MAGI1: variants seen among roughly 807,000 people sequenced by gnomAD.
The protein encoded by MAGI1 is membrane-associated guanylate kinase, WW and PDZ domain-containing protein 1.
Under a neutral mutation model 139.9 loss-of-function variants are expected in MAGI1, and 58 were observed. That is an observed-to-expected ratio of 0.41 (90% CI 0.34 to 0.52). The LOEUF (loss-of-function observed/expected upper bound fraction) is 0.52, where lower values mean the gene tolerates loss of function less well. Among genes scored for constraint, MAGI1 ranks in the 20% least tolerant of loss-of-function variants. The probability of loss-of-function intolerance (pLI) is 0.12; values close to 1 mark genes in which losing one functional copy is unlikely to be tolerated. For missense variants in MAGI1, 1,874 were observed against 1,901.6 expected (o/e 0.99, Z 0.27); for synonymous variants, 812 against 737.9 (o/e 1.10, Z -1.63).
At chr3:65,651,249 AG>A (rs1306447679) in intron 1 of MAGI1, among the ~76,000 whole-genome samples, 6 of 152,222 alleles carry the variant, frequency 3.9e-5, no homozygotes, top group African/African-American at 1.4e-4. Context: ...CAGGTGTACA[AG>A]GAACCTGCCT....
chr3:65,812,460 T>A (rs536141527), intron 1 of MAGI1, among the ~76,000 whole-genome samples: 5,349 of 98,742 alleles, frequency 0.054, 111 homozygotes, highest in African/African-American at 0.074. Flanking sequence ...TCTCTCTCTC[T>A]CTCTCTCTCA....
chr3:66,022,996 A>G (rs1295657658), intron 1 of MAGI1, among the ~76,000 whole-genome samples: 1 of 152,156 alleles, frequency 6.6e-6, no homozygotes, highest in African/African-American at 2.4e-5. Flanking sequence ...TTTGTGCCAC[A>G]TTATCCTTGA....
chr3:65,886,591 G>A lies in MAGI1; in HGVS notation c.313+151405C>T, dbSNP rs367592175. On this transcript the variant is annotated intron_variant, in intron 1 of 22. Transcript: ENST00000402939. ...AAGCACAGTGTGTCATTTCCAAGCC[G>A]TGTCTGTGAAGAGAAGAGACCTGCT... 9.9e-5 allele frequency among the ~76,000 whole-genome samples: 15 copies of A among 152,232 alleles called. 1 individual carries two copies. The South Asian group carries it at 1.5e-3, about 15-fold the overall frequency.
At chr3:65,894,501 G>T (rs2060891751) in intron 1 of MAGI1, among the ~76,000 whole-genome samples, 1 of 152,216 alleles carries the variant, frequency 6.6e-6, no homozygotes, top group Admixed American at 6.5e-5. Context: ...AATTTGGAAA[G>T]GCAGCAAATG....
chr3:65,936,901 A>AGTT (rs149793328), intron 1 of MAGI1, among the ~76,000 whole-genome samples: 4 of 128,886 alleles, frequency 3.1e-5, no homozygotes, highest in Non-Finnish European at 6.6e-5. Flanking sequence ...TCAGGTTCAA[A>AGTT]GTTGTTGTTG....
At chr3:65,774,766 C>T (rs980156027) in intron 1 of MAGI1, among the ~76,000 whole-genome samples, 3 of 152,072 alleles carry the variant, frequency 2.0e-5, no homozygotes, top group African/African-American at 7.2e-5. Flanking sequence ...GAAATTCAAC[C>T]AAAGAGCCAA....
intron 1 of MAGI1, among the ~76,000 whole-genome samples, chr3:65,846,987 A>AAAAACAAAC (rs1001156883): frequency 5.3e-5 from 8 of 151,704 alleles, no homozygotes; most frequent in East Asian, 1.9e-4. Flanking sequence ...AAAAAAAAAA[A>AAAAACAAAC]AAAAAAAAAC....
chr3:65,564,708 C>T (rs940550125), intron 2 of MAGI1, among the ~76,000 whole-genome samples: 13 of 152,310 alleles, frequency 8.5e-5, no homozygotes, highest in African/African-American at 2.2e-4. Context: ...GTGTGCATTC[C>T]GATGTCCTAA....
intron 2 of MAGI1, among the ~76,000 whole-genome samples, chr3:65,585,244 T>C (rs1025305921): frequency 4.6e-5 from 7 of 152,186 alleles, no homozygotes; most frequent in Admixed American, 2.6e-4. Flanking sequence ...TAAGATATCA[T>C]CTTGGTATTA....
At chr3:65,879,992 GGCTCACGCCTGTA>G (rs2060261199) in intron 1 of MAGI1, among the ~76,000 whole-genome samples, 4 of 152,232 alleles carry the variant, frequency 2.6e-5, no homozygotes, top group African/African-American at 9.6e-5. Flanking sequence ...TGGGCTCAGT[GGCTCACGCCTGTA>G]ATCCCAGCAC....
intron 1 of MAGI1, among the ~76,000 whole-genome samples, chr3:65,971,672 G>C (rs1003959206): frequency 3.3e-5 from 5 of 152,126 alleles, no homozygotes; most frequent in African/African-American, 1.2e-4. Context: ...ACAAAGACTC[G>C]TGAAGCAGAC....
intron 1 of MAGI1, among the ~76,000 whole-genome samples, chr3:65,953,936 A>C: frequency 6.6e-6 from 1 of 152,198 alleles, no homozygotes; most frequent in East Asian, 1.9e-4. Flanking sequence ...CTACCTTTTA[A>C]AAGGTTTCTT....
chr3:65,482,017 CT>C (rs770287863), intron 3 of MAGI1, among the ~76,000 whole-genome samples: 16 of 152,192 alleles, frequency 1.1e-4, no homozygotes, highest in Non-Finnish European at 2.2e-4. Flanking sequence ...TATGAAATTG[CT>C]GTTGTAGAAG....
chr3:65,619,776 T>C (rs1348711552), intron 2 of MAGI1: 4 of 821,258 alleles, frequency 4.9e-6, no homozygotes, highest in Non-Finnish European at 5.9e-6. Flanking sequence ...GCACACACGC[T>C]CCACCAGACT....
At chr3:65,943,049 C>T (rs2063386770) in intron 1 of MAGI1, among the ~76,000 whole-genome samples, 1 of 152,048 alleles carries the variant, frequency 6.6e-6, no homozygotes, top group South Asian at 2.1e-4. Flanking sequence ...AAAATGTTCA[C>T]AATACTGTTT....
In MAGI1 at chr3:65,356,383, T is replaced by C; in HGVS notation, c.4384A>G (p.Ile1462Val). Residue 1462 changes from isoleucine (I) to valine (V), a missense_variant, in exon 23 of 23, where the codon ATC becomes GTC. This residue lies in a region of MAGI1 where 653 missense variants were observed against 644.5 expected (regional missense o/e 1.01). Coordinates refer to ENST00000402939, the MANE Select transcript of MAGI1 (RefSeq NM_001033057.2). Reference protein sequence around the residue: ...PYKECSTDLSI With the variant: ...PYKECSTDLSV Reference sequence around the variant, plus strand: ...TTGGAATGTGACTCAGCGTCTCAGATACTGAGGTCGGTGCTACATTCTTTG... The same window carrying C: ...TTGGAATGTGACTCAGCGTCTCAGACACTGAGGTCGGTGCTACATTCTTTG... The C allele has an allele frequency of 6.3e-7, 1 of 1,582,642 alleles. No homozygotes were observed. The highest frequency in any genetic ancestry group is 8.5e-7 in the Non-Finnish European group (1 of 1,169,648).
At chr3:65,647,427 A>T (rs975154195) in intron 1 of MAGI1, among the ~76,000 whole-genome samples, 8 of 152,060 alleles carry the variant, frequency 5.3e-5, no homozygotes, top group African/African-American at 1.9e-4. Flanking sequence ...AGACAGTACC[A>T]ACAACAACAA....
intron 2 of MAGI1, among the ~76,000 whole-genome samples, chr3:65,496,082 C>T (rs1359210495): frequency 6.6e-6 from 1 of 152,198 alleles, no homozygotes; most frequent in Admixed American, 6.5e-5. Context: ...CGCTCTATCG[C>T]TCAGGCTGGA....
intron 1 of MAGI1, among the ~76,000 whole-genome samples, chr3:65,975,063 T>C (rs1296435180): frequency 7.4e-5 from 11 of 147,782 alleles, no homozygotes; most frequent in Non-Finnish European, 1.6e-4. Context: ...TCATATTATG[T>C]TGCAAAGATT....
Sources: allele counts gnomAD v4.1 joint callset (sites outside exome capture counted in the v4.1 genomes callset), GRCh38; gene constraint gnomAD v4.1.1; regional missense constraint gnomAD v4.1.1; transcripts MANE v1.5; gene names NCBI Gene and HGNC (gene_info 2026-07-23, HGNC 2026-07-21).